Variants in FGF10 observed in about 807,000 individuals in gnomAD.
FGF10 encodes the protein FGF-10.
FGF10 carries 2 observed loss-of-function variants against 19.8 expected under a neutral mutation model. That is an observed-to-expected ratio of 0.10 (90% confidence interval 0.04 to 0.32). The LOEUF is 0.32. FGF10 is among the 10% of genes least tolerant of loss of function. The pLI is 1.00. For missense variants in FGF10, 191 were observed against 246.3 expected, an observed-to-expected ratio of 0.78 and a Z score of 1.50; for synonymous variants, 112 against 94.0, an observed-to-expected ratio of 1.19 and a Z score of -1.10.
At position 44,384,676 on chromosome 5, in the gene FGF10, A is replaced by G. The variant is rs185672475; in HGVS notation, c.325+3682T>C. Among the ~76,000 whole-genome samples the G allele has an allele frequency of 1.4e-3, 208 of 152,224 alleles. 1 individual carries two copies. The highest frequency in any genetic ancestry group is 2.6e-3 in the Admixed American group (39 of 15,292). ...TGACCTTGGACAATTTACTTTTTTC[A>G]GTATGAGTTTTCAAATTTGAAAAAT... is the stretch of plus-strand genomic sequence containing the variant. On this transcript the variant is annotated intron_variant, in intron 1 of 2. Coordinates refer to ENST00000264664, the MANE Select transcript of FGF10 (RefSeq NM_004465.2).
At chr5:44,311,486 C>A (rs537629738) in intron 1 of FGF10, among the ~76,000 whole-genome samples, 14 of 152,124 alleles carry the variant, frequency 9.2e-5, no homozygotes, top group African/African-American at 2.6e-4. Flanking sequence ...ACTCCTGGCT[C>A]TACATTTATT....
At chr5:44,330,894 C>A (rs1561203875) in intron 1 of FGF10, among the ~76,000 whole-genome samples, 2 of 152,066 alleles carry the variant, frequency 1.3e-5, no homozygotes, top group Non-Finnish European at 2.9e-5. Context: ...AGATTATTGA[C>A]TGTTTGCTTA....
chr5:44,388,870 C>G lies in FGF10; in HGVS notation c.-188G>C. Reference sequence around the variant, plus strand: ...CTCGGAAAAGCCGGCTGACTCCCCTCGCTCCTTTCTCGGATCCGCTGCCTA... The same window carrying G: ...CTCGGAAAAGCCGGCTGACTCCCCTGGCTCCTTTCTCGGATCCGCTGCCTA... On this transcript the variant is annotated 5_prime_UTR_variant, in exon 1 of 3. Coordinates refer to ENST00000264664, the MANE Select transcript of FGF10 (RefSeq NM_004465.2). The G allele has an allele frequency of 3.0e-6, 2 of 666,048 alleles. No individual in the cohort carries two copies. The highest frequency in any genetic ancestry group is 5.5e-6 in the Non-Finnish European group (2 of 366,658). The allele number at this position is 666,048 out of a possible 1,614,324, so 41.3% of individuals were successfully genotyped here. A position where few individuals can be genotyped will look rare whatever the true frequency, so the allele number is the denominator to read the frequency against.
In FGF10 at chr5:44,300,412, C is replaced by T. The variant is rs141821429; in HGVS notation, c.*4583G>A. On this transcript the variant is annotated 3_prime_UTR_variant, in exon 3 of 3. Coordinates refer to ENST00000264664, the MANE Select transcript of FGF10 (RefSeq NM_004465.2). ...TGTGATACAGGTTGAAGTAGGAGGA[C>T]CAGCTTTTTATTCAGTGAAAACTTG... Among the ~76,000 whole-genome samples the T allele has an allele frequency of 5.3e-5, 8 of 152,130 alleles. No homozygotes were observed. The East Asian group carries it at 1.5e-3, about 29-fold the overall frequency.
chr5:44,322,426 G>A (rs995516198), intron 1 of FGF10, among the ~76,000 whole-genome samples: 5 of 152,110 alleles, frequency 3.3e-5, no homozygotes, highest in Non-Finnish European at 5.9e-5. Flanking sequence ...TCTCACAGCT[G>A]GTACATGATC....
chr5:44,361,022 C>A (rs745381072), intron 1 of FGF10, among the ~76,000 whole-genome samples: 4 of 151,638 alleles, frequency 2.6e-5, no homozygotes, highest in Admixed American at 6.6e-5. Flanking sequence ...ATCTCATTGA[C>A]CCAATAAAGA....
In FGF10 at chr5:44,302,288, TTCCTTCC is replaced by T. The variant is rs1739982580; in HGVS notation, c.*2700_*2706del. On this transcript the variant is annotated 3_prime_UTR_variant, in exon 3 of 3. Transcript: ENST00000264664. ...CTTCCTTCCTTCTTTCCTTGCTTCC[TTCCTTCC>T]TTCCTTCCTTCCTTCCTTCCTTCCT... Among the ~76,000 whole-genome samples, 1 of 77,508 alleles carries T rather than the reference TTCCTTCC, an allele frequency of 1.3e-5. No individual in the cohort carries two copies. Among genetic ancestry groups the T allele is most frequent in the Admixed American group, 1.6e-4 (1 of 6,130 alleles). 50.8% of individuals were successfully genotyped at this position (77,508 alleles called of 152,430 possible).
intron 2 of FGF10, 23 bp downstream of exon 2, chr5:44,310,404 G>T: frequency 6.5e-7 from 1 of 1,530,104 alleles, no homozygotes; most frequent in South Asian, 1.1e-5. Flanking sequence ...GAGTGGATTT[G>T]AAAACAAAAG....
rs775373697 is a variant in FGF10, at chr5:44,318,087, AAAC to A, written c.326-7560_326-7558del. ...CCAGCAATCCAGCAAACAAACAAAA[AAAC>A]AACAACTACTGGAAACACTTACATG... On this transcript the variant is annotated intron_variant, in intron 1 of 2. Transcript: ENST00000264664. Among the ~76,000 whole-genome samples the A allele has an allele frequency of 1.3e-3, 205 of 152,262 alleles. 2 individuals are homozygous for A. The highest frequency in any genetic ancestry group is 4.7e-3 in the African/African-American group (196 of 41,576).
chr5:44,367,048 T>A (rs1741631950), intron 1 of FGF10, among the ~76,000 whole-genome samples: 1 of 152,040 alleles, frequency 6.6e-6, no homozygotes, highest in South Asian at 2.1e-4. Context: ...ATAAATAGTG[T>A]TCCTCATATG....
At chr5:44,337,668 G>T (rs562897646) in intron 1 of FGF10, among the ~76,000 whole-genome samples, 22 of 152,288 alleles carry the variant, frequency 1.4e-4, no homozygotes, top group African/African-American at 4.8e-4. Flanking sequence ...AGGGCCCAGC[G>T]TGGTGGCTCA....
At chr5:44,307,101 A>T (rs1740095587) in intron 2 of FGF10, among the ~76,000 whole-genome samples, 1 of 152,166 alleles carries the variant, frequency 6.6e-6, no homozygotes, top group Non-Finnish European at 1.5e-5. Context: ...CAAAAGTGGG[A>T]GTGTATGCTT....
At chr5:44,358,349 T>A (rs1741397093) in intron 1 of FGF10, among the ~76,000 whole-genome samples, 1 of 151,516 alleles carries the variant, frequency 6.6e-6, no homozygotes, top group Non-Finnish European at 1.5e-5. Flanking sequence ...GCACATAATC[T>A]TAAATTAAGA....
At chr5:44,305,275 T>C in intron 2 of FGF10, 83 bp from the exon 3 acceptor site, 4 of 1,267,630 alleles carry the variant, frequency 3.2e-6, no homozygotes, top group Non-Finnish European at 3.4e-6. Context: ...AGAACTCCAG[T>C]CCAAGGATTC....
intron 1 of FGF10, among the ~76,000 whole-genome samples, chr5:44,315,684 A>G (rs1740329288): frequency 6.6e-6 from 1 of 152,166 alleles, no homozygotes; most frequent in Non-Finnish European, 1.5e-5. Context: ...AGTTAGCACA[A>G]TGTAAGACAC....
chr5:44,384,763 T>C (rs1160251880), intron 1 of FGF10, among the ~76,000 whole-genome samples: 2 of 152,160 alleles, frequency 1.3e-5, no homozygotes, highest in East Asian at 1.9e-4. Flanking sequence ...AGATAAAGCC[T>C]ATACTACATA....
In FGF10 at chr5:44,302,658, C is replaced by A. The variant is rs1476138298; in HGVS notation, c.*2337G>T. On this transcript the variant is annotated 3_prime_UTR_variant, in exon 3 of 3. Coordinates refer to ENST00000264664, the MANE Select transcript of FGF10 (RefSeq NM_004465.2). Reference sequence around the variant, plus strand: ...GGGATTACAGGTGTGAGCTACTGCACCAGGCAGGTTTTTTGTCTTTCTGTG... The same window carrying A: ...GGGATTACAGGTGTGAGCTACTGCAACAGGCAGGTTTTTTGTCTTTCTGTG... Among the ~76,000 whole-genome samples the A allele has an allele frequency of 1.3e-5, 2 of 152,122 alleles. No homozygotes were observed. The highest frequency in any genetic ancestry group is 1.9e-4 in the East Asian group (1 of 5,196).
At chr5:44,331,457 G>C (rs1740734584) in intron 1 of FGF10, among the ~76,000 whole-genome samples, 1 of 152,264 alleles carries the variant, frequency 6.6e-6, no homozygotes, top group Admixed American at 6.5e-5. Context: ...AAATGTGACT[G>C]TGCCTTTAAT....
chr5:44,374,384 C>T (rs889169691), intron 1 of FGF10, among the ~76,000 whole-genome samples: 18 of 152,112 alleles, frequency 1.2e-4, no homozygotes, highest in Non-Finnish European at 2.9e-5. Flanking sequence ...CAGTAACATT[C>T]ACAGGTTCCA....
Sources: allele counts gnomAD v4.1 joint callset (sites outside exome capture counted in the v4.1 genomes callset), GRCh38; gene constraint gnomAD v4.1.1; transcripts MANE v1.5; gene names NCBI Gene and HGNC (gene_info 2026-07-23, HGNC 2026-07-21).